SH3GL1: variants seen among roughly 807,000 people sequenced by gnomAD.
The protein encoded by SH3GL1 is endophilin-A2.
In SH3GL1, 21 loss-of-function variants were observed where a neutral mutation model predicts 48.8. The ratio of observed to expected loss-of-function variants is 0.43; its 90% CI spans 0.30 to 0.62. SH3GL1 has a LOEUF of 0.62. Ranked by LOEUF, SH3GL1 falls within the 20% of genes least tolerant of loss-of-function variation. The probability of loss-of-function intolerance (pLI) is 0.11; values close to 1 mark genes in which losing one functional copy is unlikely to be tolerated. For synonymous variants in SH3GL1, 282 were observed against 217.5 expected, an observed-to-expected ratio of 1.30 and a Z score of -2.61; for missense variants, 454 against 503.0, an observed-to-expected ratio of 0.90 and a Z score of 0.93.
At chr19:4,384,381 G>T (rs1973195676) in intron 1 of SH3GL1, among the ~76,000 whole-genome samples, 2 of 152,242 alleles carry the variant, frequency 1.3e-5, no homozygotes, top group African/African-American at 4.8e-5. Context: ...CACTTTACGA[G>T]TGCGCAACAC....
chr19:4,371,284 G>A (rs1181097022), intron 1 of SH3GL1, among the ~76,000 whole-genome samples: 1 of 152,272 alleles, frequency 6.6e-6, no homozygotes, highest in Non-Finnish European at 1.5e-5. Context: ...GTCAGGACAG[G>A]GCTACCGTAG....
intron 1 of SH3GL1, among the ~76,000 whole-genome samples, chr19:4,392,518 T>TCACACACACTCACA: frequency 7.3e-6 from 1 of 137,766 alleles, no homozygotes; most frequent in East Asian, 2.2e-4. Flanking sequence ...CAAGACTCCG[T>TCACACACACTCACA]CACACACACA....
intron 1 of SH3GL1, among the ~76,000 whole-genome samples, chr19:4,393,887 T>A (rs1034029026): frequency 2.6e-5 from 4 of 151,976 alleles, no homozygotes; most frequent in African/African-American, 9.7e-5. Flanking sequence ...ACCAGCCATG[T>A]CCCAGACACT....
In SH3GL1 at chr19:4,362,326, C is replaced by CA; in HGVS notation, c.910+2dup. The CA allele has an allele frequency of 2.5e-6, 4 of 1,610,896 alleles. No individual in the cohort carries two copies. Among genetic ancestry groups the CA allele is most frequent in the Non-Finnish European group, 3.4e-6 (4 of 1,178,422 alleles). Reference sequence around the variant, plus strand: ...AGGTCGAGGCGGGCCTGGGAACACTCACGCATGCTCCGGCTAGGGGTCCGG... The same window carrying CA: ...AGGTCGAGGCGGGCCTGGGAACACTCAACGCATGCTCCGGCTAGGGGTCCGG... On this transcript the variant is annotated splice_region_variant and intron_variant, in intron 9 of 9. Coordinates refer to ENST00000269886, the MANE Select transcript of SH3GL1 (RefSeq NM_003025.4).
At chr19:4,396,619 G>C (rs976391206) in intron 1 of SH3GL1, among the ~76,000 whole-genome samples, 1 of 152,158 alleles carries the variant, frequency 6.6e-6, no homozygotes, top group Non-Finnish European at 1.5e-5. Context: ...GCTCAGTGGG[G>C]ATTTTTTTGT....
chr19:4,364,882 G>GTGTGTGTGTA (rs1972731730), intron 4 of SH3GL1, among the ~76,000 whole-genome samples: 1 of 69,804 alleles, frequency 1.4e-5, no homozygotes. Flanking sequence ...GTGTGTGTGT[G>GTGTGTGTGTA]TGTGTGTGTG....
chr19:4,398,431 G>A (rs764006307), intron 1 of SH3GL1, among the ~76,000 whole-genome samples: 5 of 151,250 alleles, frequency 3.3e-5, no homozygotes, highest in Admixed American at 6.6e-5. Context: ...CACCCAGGCT[G>A]GAGTGCAGTG....
rs1161084715 is a variant in SH3GL1 at position 4,365,560 on chromosome 19, C to T, written c.253G>A (p.Gly85Ser). Reference sequence around the variant, plus strand: ...AGAAGCCCCTCCGACTGCGGGTAGCCGGGGTTCTTCACCTGGCCCCGGATC... The same window carrying T: ...AGAAGCCCCTCCGACTGCGGGTAGCTGGGGTTCTTCACCTGGCCCCGGATC... ...SKIRGQVKNPGYPQSEGLLGE... is the reference protein window; with the variant it reads ...SKIRGQVKNPSYPQSEGLLGE... The change falls in exon 4 of 10, where the codon GGC becomes AGC. Residue 85 changes from glycine to serine, a missense_variant. Gly to Ser is a moderately conservative substitution (Grantham distance 56, BLOSUM62 0). Transcript: ENST00000269886. 1 of 1,614,004 alleles carries T rather than the reference C, an allele frequency of 6.2e-7. No individual in the cohort carries two copies. Among genetic ancestry groups the T allele is most frequent in the Non-Finnish European group, 8.5e-7 (1 of 1,180,044 alleles).
At chr19:4,365,809 G>A (rs1972764257) in intron 3 of SH3GL1, among the ~76,000 whole-genome samples, 184 bp from the exon 4 acceptor site, 1 of 152,202 alleles carries the variant, frequency 6.6e-6, no homozygotes. Context: ...CAAAGGAGCT[G>A]GCAGCGGGTG....
intron 1 of SH3GL1, among the ~76,000 whole-genome samples, chr19:4,383,893 T>C (rs143211485): frequency 6.6e-6 from 1 of 152,284 alleles, no homozygotes; most frequent in East Asian, 1.9e-4. Flanking sequence ...CGTTGAGAGC[T>C]AGGAGAAGGC....
In SH3GL1 at chr19:4,389,476, C is replaced by A. The variant is rs1712882900; in HGVS notation, c.45+10848G>T. On this transcript the variant is annotated intron_variant, in intron 1 of 9. Transcript: ENST00000269886. The surrounding 1 kb of genome is among the most constrained non-coding windows in gnomAD (Gnocchi z 4.5). ...AGGCAGGAGAGTACAGGGCCCCACA[C>A]AGGGTGGGCGGGAGGGACTGACTGT... Among the ~76,000 whole-genome samples, 1 of 151,198 alleles carries A rather than the reference C, an allele frequency of 6.6e-6. No homozygotes were observed. Among genetic ancestry groups the A allele is most frequent in the African/African-American group, 2.4e-5 (1 of 41,238 alleles).
intron 4 of SH3GL1, chr19:4,364,448 T>G (rs1193961677): frequency 1.8e-6 from 1 of 560,610 alleles, no homozygotes; most frequent in Non-Finnish European, 3.2e-6. Context: ...TTCCAACTTC[T>G]TTGAGATGAA....
chr19:4,373,215 G>C (rs113488829), intron 1 of SH3GL1, among the ~76,000 whole-genome samples: 2 of 152,178 alleles, frequency 1.3e-5, no homozygotes, highest in Non-Finnish European at 2.9e-5. Flanking sequence ...GGAATCAGAC[G>C]GCAGAAACCC....
At chr19:4,387,202 C>T (rs763652398) in intron 1 of SH3GL1, among the ~76,000 whole-genome samples, 11 of 152,234 alleles carry the variant, frequency 7.2e-5, no homozygotes, top group Non-Finnish European at 1.6e-4. Flanking sequence ...TCCCAAAGTG[C>T]TGGGATTACA....
At chr19:4,365,417 C>T in intron 4 of SH3GL1, 65 bp downstream of exon 4, 1 of 1,603,822 alleles carries the variant, frequency 6.2e-7, no homozygotes, top group South Asian at 1.1e-5. Flanking sequence ...CCTGGACCTG[C>T]CCTGCCTGTG....
rs150284370 is a variant in SH3GL1 at position 4,362,338 on chromosome 19, G to A, written c.901C>T (p.Arg301Trp). Residue 301 changes from arginine to tryptophan, a missense_variant, in exon 9 of 10, where the codon CGG becomes TGG. Physicochemically the swap from Arg to Trp is moderately radical, Grantham distance 101. Coordinates refer to ENST00000269886, the MANE Select transcript of SH3GL1 (RefSeq NM_003025.4). ...SSDKPIRTPS[R>W]SMPPLDQPSC... is the part of the protein sequence containing the mutation. Reference sequence around the variant, plus strand: ...GCCTGGGAACACTCACGCATGCTCCGGCTAGGGGTCCGGATGGGCTTGTCG... The same window carrying A: ...GCCTGGGAACACTCACGCATGCTCCAGCTAGGGGTCCGGATGGGCTTGTCG... 1.8e-4 allele frequency: 293 copies of A among 1,611,880 alleles called. No individual in the cohort carries two copies. Among genetic ancestry groups the A allele is most frequent in the Admixed American group, 2.5e-4 (15 of 59,714 alleles).
Position 4,361,570 on chromosome 19 carries a change from A to C in SH3GL1, c.*30T>G, listed in dbSNP as rs781355313. The C allele has an allele frequency of 6.5e-7, 1 of 1,528,874 alleles. No homozygotes were observed. The allele number at this position is 1,528,874 out of a possible 1,614,324, so 94.7% of individuals were successfully genotyped here. A position where few individuals can be genotyped will look rare whatever the true frequency, so the allele number is the denominator to read the frequency against. ...CAGCAGGGGGTGCCGGCCAGTGTGGACGGAGGGGCGGGGCGGGGACACGGG... is the reference window on the plus strand; with the variant it reads ...CAGCAGGGGGTGCCGGCCAGTGTGGCCGGAGGGGCGGGGCGGGGACACGGG... On this transcript the variant is annotated 3_prime_UTR_variant, in exon 10 of 10. Coordinates refer to ENST00000269886, the MANE Select transcript of SH3GL1 (RefSeq NM_003025.4).
rs1051376342 is a variant in SH3GL1 at position 4,376,634 on chromosome 19, GCCC to G, written c.46-9643_46-9641del. ...TCTTACACCCCCATCTGCCTGGGCG[GCCC>G]CCCCATCTCCCCTCAGAGCTTTTGC... On this transcript the variant is annotated intron_variant, in intron 1 of 9. Transcript: ENST00000269886. This position sits in a 1 kb window ranked among gnomAD's most constrained non-coding sequence, Gnocchi z 4.3. Among the ~76,000 whole-genome samples the G allele has an allele frequency of 6.6e-6, 1 of 151,402 alleles. No homozygotes were observed. Among genetic ancestry groups the G allele is most frequent in the Non-Finnish European group, 1.5e-5 (1 of 67,876 alleles).
chr19:4,381,421 T>C (rs1973126680), intron 1 of SH3GL1, among the ~76,000 whole-genome samples: 2 of 95,756 alleles, frequency 2.1e-5, no homozygotes, highest in Non-Finnish European at 4.0e-5. Flanking sequence ...GTCTCCCCTC[T>C]CTCTGTCCCC....
Sources: allele counts gnomAD v4.1 joint callset (sites outside exome capture counted in the v4.1 genomes callset), GRCh38; gene constraint gnomAD v4.1.1; non-coding constraint Gnocchi (gnomAD v3.1); transcripts MANE v1.5; gene names NCBI Gene and HGNC (gene_info 2026-07-23, HGNC 2026-07-21).